TP63: variants seen among roughly 807,000 people sequenced by gnomAD.
TP63 encodes tumor protein p63, also known as tumor protein 63.
TP63 carries 17 observed loss-of-function variants against 82.8 expected under a neutral mutation model. The observed-to-expected ratio is 0.21, with a 90% CI of 0.14 to 0.31. The LOEUF is 0.31. Among genes scored for constraint, TP63 ranks in the 10% least tolerant of loss-of-function variants. The pLI, the probability that TP63 is intolerant of heterozygous loss-of-function variation, is 1.00. For synonymous variants in TP63, 330 were observed against 321.7 expected, an observed-to-expected ratio of 1.03 and a Z score of -0.28; for missense variants, 648 against 895.3, an observed-to-expected ratio of 0.72 and a Z score of 3.52.
chr3:189,759,922 G>C (rs899781485), intron 3 of TP63, among the ~76,000 whole-genome samples: 3 of 152,208 alleles, frequency 2.0e-5, no homozygotes, highest in Non-Finnish European at 4.4e-5. Context: ...GGAGGAGCAA[G>C]TCACATCTTA....
chr3:189,773,862 T>A (rs201402083), intron 3 of TP63, among the ~76,000 whole-genome samples: 13 of 151,360 alleles, frequency 8.6e-5, no homozygotes, highest in African/African-American at 2.7e-4. Context: ...GTGACTGGCT[T>A]ATAGTTCCCT....
intron 4 of TP63, among the ~76,000 whole-genome samples, chr3:189,860,614 C>A (rs2108787167): frequency 6.6e-6 from 1 of 152,272 alleles, no homozygotes; most frequent in South Asian, 2.1e-4. Flanking sequence ...GTAGTTGAAC[C>A]AAAAGCAATA....
In TP63 at chr3:189,871,913, GT is replaced by G. The variant is rs926448877; in HGVS notation, c.1213-939del. On this transcript the variant is annotated intron_variant, in intron 9 of 13. Transcript: ENST00000264731. Reference sequence around the variant, plus strand: ...TTTTTGCACATTTTGTAGAGAAGGAGTTTTTTTCCCAGGGTGGTCTTGAACT... The same window carrying G: ...TTTTTGCACATTTTGTAGAGAAGGAGTTTTTTCCCAGGGTGGTCTTGAACT... Among the ~76,000 whole-genome samples, 191 of 152,186 alleles carry G rather than the reference GT, an allele frequency of 1.3e-3. 1 individual carries two copies. The highest frequency in any genetic ancestry group is 4.5e-3 in the African/African-American group (185 of 41,530).
intron 4 of TP63, among the ~76,000 whole-genome samples, chr3:189,840,356 CGTCTTTTTTTTTTTTTT>C (rs1376491650): frequency 1.1e-4 from 3 of 26,210 alleles, no homozygotes; most frequent in Non-Finnish European, 2.8e-4. Flanking sequence ...TTTTGCTTTT[CGTCTTTTTTTTTTTTTT>C]TTTTTTTTTT....
In TP63 at chr3:189,847,577, C is replaced by A. The variant is rs191849685; in HGVS notation, c.580-16655C>A. ...CAGATGTGCTTTATTTCCCCCCACC[C>A]ATCACAGTATTTTATTTCTGATTTC... On this transcript the variant is annotated intron_variant, in intron 4 of 13. Transcript: ENST00000264731. 4.3e-4 allele frequency among the ~76,000 whole-genome samples: 65 copies of A among 152,286 alleles called. No homozygotes were observed. The East Asian group carries it at 0.011, about 25-fold the overall frequency.
rs757035303 is a variant in TP63, at chr3:189,872,921, G to A, written c.1275G>A (p.Gln425=). The A allele has an allele frequency of 1.9e-6, 3 of 1,614,108 alleles. No homozygotes were observed. Among genetic ancestry groups the A allele is most frequent in the Non-Finnish European group, 2.5e-6 (3 of 1,180,022 alleles). ...TCAAAGAGTCCCTGGAACTCATGCA[G>A]TACCTTCCTCAGCACACAATTGAAA... ...LKIKESLELM[Q]YLPQHTIETY... The change falls in exon 10 of 14, where the codon CAG becomes CAA. Residue 425 remains glutamine (Q), a synonymous_variant. Coordinates refer to ENST00000264731, the MANE Select transcript of TP63 (RefSeq NM_003722.5).
At chr3:189,792,586 A>G (rs1378663259) in intron 3 of TP63, among the ~76,000 whole-genome samples, 1 of 152,112 alleles carries the variant, frequency 6.6e-6, no homozygotes, top group African/African-American at 2.4e-5. Flanking sequence ...AGTATTTTCG[A>G]ACTAAATGGG....
chr3:189,651,237 A>G (rs1037214231), intron 1 of TP63, among the ~76,000 whole-genome samples: 1 of 146,966 alleles, frequency 6.8e-6, no homozygotes, highest in Non-Finnish European at 1.5e-5. Flanking sequence ...CAGCCTGGTG[A>G]TGTAATAGAA....
chr3:189,662,133 A>G (rs1473978977), intron 1 of TP63, among the ~76,000 whole-genome samples: 2 of 151,698 alleles, frequency 1.3e-5, no homozygotes, highest in African/African-American at 4.8e-5. Flanking sequence ...TTTTGTTTTT[A>G]TAGTTCCTTT....
chr3:189,742,637 C>A (rs1039178083), intron 3 of TP63, among the ~76,000 whole-genome samples: 1 of 152,176 alleles, frequency 6.6e-6, no homozygotes, highest in Non-Finnish European at 1.5e-5. Context: ...GCGTAGTGCC[C>A]TACATCTTAT....
At chr3:189,883,854 A>G (rs892891050) in intron 10 of TP63, among the ~76,000 whole-genome samples, 4 of 152,112 alleles carry the variant, frequency 2.6e-5, no homozygotes, top group Admixed American at 2.0e-4. Flanking sequence ...AACTAATAAA[A>G]TAGTCAAAAA....
chr3:189,609,007 G>A, the TP63 span, among the ~76,000 whole-genome samples: 33,591 of 151,988 alleles, frequency 0.22, 4,371 homozygotes, highest in Admixed American at 0.32. Context: ...TTCATACAAT[G>A]AATTTTTTTC....
At chr3:189,867,493 C>G (rs1292703653) in intron 6 of TP63, among the ~76,000 whole-genome samples, 1 of 152,152 alleles carries the variant, frequency 6.6e-6, no homozygotes, top group Non-Finnish European at 1.5e-5. Flanking sequence ...CTGTTTTTGG[C>G]AATTATCCCC....
intron 1 of TP63, among the ~76,000 whole-genome samples, chr3:189,643,041 G>A (rs1000509667): frequency 3.4e-5 from 5 of 148,318 alleles, no homozygotes; most frequent in African/African-American, 7.4e-5. Flanking sequence ...TGTTCTTGTC[G>A]CCCAGGGTGG....
chr3:189,826,295 A>G (rs879804096), intron 4 of TP63, among the ~76,000 whole-genome samples: 3 of 152,226 alleles, frequency 2.0e-5, no homozygotes, highest in Admixed American at 2.0e-4. Context: ...ATTATATTTG[A>G]TGAGCTTCTT....
intron 1 of TP63, among the ~76,000 whole-genome samples, chr3:189,680,639 T>A (rs1715827507): frequency 6.6e-6 from 1 of 152,092 alleles, no homozygotes; most frequent in African/African-American, 2.4e-5. Context: ...CACATGCAAA[T>A]CAATATATGT....
At position 189,895,572 on chromosome 3, in the gene TP63, C is replaced by T. The variant is rs1438513985; in HGVS notation, c.*1070C>T. On this transcript the variant is annotated 3_prime_UTR_variant, in exon 14 of 14. Coordinates refer to ENST00000264731, the MANE Select transcript of TP63 (RefSeq NM_003722.5). ...TGAAGTTTTACTGTCTATTAATATT[C>T]AGGGTAAATAGGAATCATTCAGAAA... 2 of 221,382 alleles carry T rather than the reference C, an allele frequency of 9.0e-6. No individual in the cohort carries two copies. The highest frequency in any genetic ancestry group is 1.8e-5 in the Non-Finnish European group (2 of 110,888). 13.7% of individuals were successfully genotyped at this position (221,382 alleles called of 1,614,324 possible). A position where few individuals can be genotyped will look rare whatever the true frequency, so the allele number is the denominator to read the frequency against.
At chr3:189,657,060 G>A (rs1430079399) in intron 1 of TP63, among the ~76,000 whole-genome samples, 1 of 150,784 alleles carries the variant, frequency 6.6e-6, no homozygotes, top group Non-Finnish European at 1.5e-5. Flanking sequence ...AATGCATATT[G>A]CTAAGGGGAA....
chr3:189,659,607 T>A (rs960783928), intron 1 of TP63, among the ~76,000 whole-genome samples: 2 of 152,108 alleles, frequency 1.3e-5, no homozygotes, highest in African/African-American at 4.8e-5. Context: ...GAATGGTAGT[T>A]CTGTTTTAAG....
Sources: gnomAD v4.1 joint callset for allele counts (sites outside exome capture counted in the v4.1 genomes callset) on GRCh38, gnomAD v4.1.1 for gene constraint, MANE v1.5 for transcripts, NCBI Gene and HGNC (gene_info 2026-07-23, HGNC 2026-07-21) for gene names.